The following RIMKLB variants were observed in gnomAD, a reference collection of about 807,000 sequenced individuals.
RIMKLB encodes the protein ribosomal modification protein rimK like family member B, also known as beta-citrylglutamate synthase B.
A neutral mutation model predicts 32.0 loss-of-function variants in RIMKLB; 7 were observed. The observed-to-expected ratio is 0.22, with a 90% CI of 0.12 to 0.41. The LOEUF (loss-of-function observed/expected upper bound fraction) is 0.41, where lower values mean the gene tolerates loss of function less well. Among genes scored for constraint, RIMKLB ranks in the 10% least tolerant of loss-of-function variants. The probability of loss-of-function intolerance (pLI) is 1.00; values close to 1 mark genes in which losing one functional copy is unlikely to be tolerated. For missense variants in RIMKLB, 289 were observed against 498.7 expected (o/e 0.58, Z 4.00); for synonymous variants, 172 against 185.1 (o/e 0.93, Z 0.57).
chr12:8,771,515 C>T (rs1950392037), intron 5 of RIMKLB, among the ~76,000 whole-genome samples: 1 of 152,202 alleles, frequency 6.6e-6, no homozygotes, highest in Non-Finnish European at 1.5e-5. Context: ...ACACATCTTT[C>T]TCCTTGGAAG....
chr12:8,748,519 CGTGTGTGTGTGTGTGTGTGTGT>C (rs58187682), intron 2 of RIMKLB, among the ~76,000 whole-genome samples: 3 of 131,278 alleles, frequency 2.3e-5, no homozygotes, highest in African/African-American at 6.0e-5. Context: ...TGGGATTATT[CGTGTGTGTGTGTGTGTGTGTGT>C]GTGTGTGTGT....
chr12:8,743,153 A>AT (rs1947730557), intron 2 of RIMKLB: 1 of 151,938 alleles, frequency 6.6e-6, no homozygotes, highest in Non-Finnish European at 1.5e-5. Flanking sequence ...CAGGAGTTGG[A>AT]GACCAGCCTG....
intron 1 of RIMKLB, among the ~76,000 whole-genome samples, chr12:8,685,397 T>C (rs1173541832): frequency 6.6e-6 from 1 of 152,236 alleles, no homozygotes; most frequent in African/African-American, 2.4e-5. Context: ...TGTTTGATCA[T>C]GAATGGGTGT....
intron 5 of RIMKLB, among the ~76,000 whole-genome samples, chr12:8,773,031 G>A (rs988443935): frequency 6.6e-6 from 1 of 151,658 alleles, no homozygotes; most frequent in Non-Finnish European, 1.5e-5. Context: ...CTATCAAGTG[G>A]TCTAATTGTA....
chr12:8,690,963 A>G (rs540956030), intron 1 of RIMKLB, among the ~76,000 whole-genome samples: 1 of 152,106 alleles, frequency 6.6e-6, no homozygotes, highest in Non-Finnish European at 1.5e-5. Flanking sequence ...ATCCAAACCC[A>G]GTAGGGTTAG....
chr12:8,714,070 G>A, intron 2 of RIMKLB, 29 bp downstream of exon 2: 1 of 1,589,764 alleles, frequency 6.3e-7, no homozygotes, highest in Non-Finnish European at 8.6e-7. Context: ...TGATCTTTTG[G>A]ATTTTTACCT....
At chr12:8,712,470 A>G (rs760827747) in intron 1 of RIMKLB, among the ~76,000 whole-genome samples, 1 of 152,206 alleles carries the variant, frequency 6.6e-6, no homozygotes, top group Non-Finnish European at 1.5e-5. Context: ...TGCTAACCCT[A>G]GAGCATCCGA....
At chr12:8,754,317 A>C (rs1021780127) in intron 5 of RIMKLB, among the ~76,000 whole-genome samples, 1 of 152,152 alleles carries the variant, frequency 6.6e-6, no homozygotes, top group Non-Finnish European at 1.5e-5. Context: ...ATCTGCCTTC[A>C]CCCGTTCTCA....
chr12:8,770,288 T>C (rs1256977281), intron 5 of RIMKLB, among the ~76,000 whole-genome samples: 10 of 152,218 alleles, frequency 6.6e-5, no homozygotes, highest in Non-Finnish European at 1.5e-4. Flanking sequence ...TTGTATATAC[T>C]AGTGAACAAA....
Position 8,776,284 on chromosome 12 carries a change from T to A in RIMKLB, c.*2500T>A. ...TAAAACGTACACTCACATGTTAGAA[T>A]GAAAAGAGCAGTAGTTATCTTAGAT... On this transcript the variant is annotated 3_prime_UTR_variant, in exon 6 of 6. Transcript: ENST00000535829. 1.0e-6 allele frequency: 1 copy of A among 977,710 alleles called. No homozygotes were observed. Among genetic ancestry groups the A allele is most frequent in the Non-Finnish European group, 1.2e-6 (1 of 823,172 alleles). The allele number at this position is 977,710 out of a possible 1,614,324, so 60.6% of individuals were successfully genotyped here.
downstream of RIMKLB, among the ~76,000 whole-genome samples, chr12:8,781,785 G>A (rs1592064084): frequency 1.3e-5 from 2 of 152,106 alleles, no homozygotes; most frequent in East Asian, 3.9e-4. Context: ...AATTTGACTA[G>A]ACTGAATAGA....
At chr12:8,678,814 G>A (rs1324733027), upstream of RIMKLB, 1 of 152,206 alleles carries the variant, frequency 6.6e-6, no homozygotes, top group Non-Finnish European at 1.5e-5. Flanking sequence ...AGCTGGTGCA[G>A]GGGATGCAAA....
intron 2 of RIMKLB, chr12:8,742,965 TG>T (rs1378950138): frequency 6.2e-6 from 1 of 161,302 alleles, no homozygotes; most frequent in African/African-American, 2.4e-5. Flanking sequence ...ATGTTGGCCC[TG>T]GGAAGTTCTG....
At chr12:8,721,009 C>T (rs1274345428) in intron 2 of RIMKLB, among the ~76,000 whole-genome samples, 1 of 152,166 alleles carries the variant, frequency 6.6e-6, no homozygotes, top group Non-Finnish European at 1.5e-5. Context: ...AAATGTTAAC[C>T]AGTGACTCTT....
intron 5 of RIMKLB, among the ~76,000 whole-genome samples, chr12:8,765,798 G>C (rs1387452738): frequency 6.6e-6 from 1 of 152,032 alleles, no homozygotes; most frequent in Non-Finnish European, 1.5e-5. Flanking sequence ...TAGACTCTGA[G>C]GGCTTCCTGT....
intron 5 of RIMKLB, among the ~76,000 whole-genome samples, chr12:8,755,380 T>C (rs1948940376): frequency 6.6e-6 from 1 of 152,108 alleles, no homozygotes; most frequent in African/African-American, 2.4e-5. Context: ...GGATTATAGA[T>C]GAGAGCCACC....
Position 8,776,005 on chromosome 12 carries a change from A to G in RIMKLB, c.*2221A>G. 1.0e-6 allele frequency: 1 copy of G among 984,608 alleles called. No homozygotes were observed. The allele number at this position is 984,608 out of a possible 1,614,324, so 61.0% of individuals were successfully genotyped here. ...TGGTATAGAGAAATAAATGAGGAAG[A>G]AAGAACTGCTTAATTAAATTATCAT... On this transcript the variant is annotated 3_prime_UTR_variant, in exon 6 of 6. Transcript: ENST00000535829.
At chr12:8,740,531 C>G (rs1265161140) in intron 2 of RIMKLB, among the ~76,000 whole-genome samples, 2 of 152,200 alleles carry the variant, frequency 1.3e-5, no homozygotes, top group Non-Finnish European at 2.9e-5. Context: ...TCCATTATAT[C>G]ATTCTTATGC....
At chr12:8,733,681 T>A (rs1401267310) in intron 2 of RIMKLB, among the ~76,000 whole-genome samples, 1 of 152,152 alleles carries the variant, frequency 6.6e-6, no homozygotes, top group East Asian at 1.9e-4. Context: ...AAGACCAGCC[T>A]GGGCAACATA....
Sources: gnomAD v4.1 joint callset for allele counts (sites outside exome capture counted in the v4.1 genomes callset) on GRCh38, gnomAD v4.1.1 for gene constraint, MANE v1.5 for transcripts, NCBI Gene and HGNC (gene_info 2026-07-23, HGNC 2026-07-21) for gene names.